The following TMTC2 variants were observed in gnomAD, a reference collection of about 807,000 sequenced individuals.
The protein encoded by TMTC2 is protein O-mannosyl-transferase TMTC2.
A neutral mutation model predicts 82.4 loss-of-function variants in TMTC2; 43 were observed. That is an observed-to-expected ratio of 0.52 (90% CI 0.41 to 0.67). TMTC2 has a LOEUF of 0.67. TMTC2 is among the 30% of genes least tolerant of loss of function. The pLI is 0.00. For missense variants in TMTC2, 919 were observed against 1,012.4 expected (o/e 0.91, Z 1.25); for synonymous variants, 408 against 381.9 (o/e 1.07, Z -0.80).
intron 11 of TMTC2, among the ~76,000 whole-genome samples, chr12:83,122,498 C>T (rs748396916): frequency 2.1e-4 from 32 of 152,162 alleles, no homozygotes; most frequent in Admixed American, 3.3e-4. Context: ...AGCTTTTTTC[C>T]GCTGCTTCCT....
Position 82,687,068 on chromosome 12 carries a change from A to G in TMTC2, c.-519A>G, listed in dbSNP as rs931117738. ...CCGGAGTCCGCCCGAGCGACACCGG[A>G]GCAGTGCGCCCGGGAGGCGGCGAGG... On this transcript the variant is annotated 5_prime_UTR_variant, in exon 1 of 12. Transcript: ENST00000321196. 6.1e-6 allele frequency: 1 copy of G among 165,012 alleles called. No homozygotes were observed. The highest frequency in any genetic ancestry group is 1.3e-5 in the Non-Finnish European group (1 of 75,038). 10.2% of individuals were successfully genotyped at this position (165,012 alleles called of 1,614,324 possible).
intron 2 of TMTC2, among the ~76,000 whole-genome samples, chr12:82,877,303 T>C (rs191172494): frequency 6.6e-6 from 1 of 152,310 alleles, no homozygotes; most frequent in East Asian, 1.9e-4. Context: ...TGCGATTATA[T>C]AGGAGTTTCT....
At chr12:82,968,005 C>T (rs558069787) in intron 7 of TMTC2, among the ~76,000 whole-genome samples, 120 of 152,200 alleles carry the variant, frequency 7.9e-4, no homozygotes, top group African/African-American at 2.8e-3. Flanking sequence ...ACAAAATACA[C>T]ACCTGGTAAG....
At chr12:83,125,908 GC>G (rs1382987409) in intron 11 of TMTC2, among the ~76,000 whole-genome samples, 3 of 152,134 alleles carry the variant, frequency 2.0e-5, no homozygotes, top group Non-Finnish European at 4.4e-5. Context: ...TTTGGTAATA[GC>G]TAGCAAAGTC....
intron 11 of TMTC2, among the ~76,000 whole-genome samples, chr12:83,078,339 G>T (rs1883356372): frequency 6.6e-6 from 1 of 152,098 alleles, no homozygotes; most frequent in African/African-American, 2.4e-5. Context: ...CTTAGACTGG[G>T]TTGTTATACT....
Position 82,923,763 on chromosome 12 carries a change from G to C in TMTC2, c.1484-6668G>C, listed in dbSNP as rs1228982079. On this transcript the variant is annotated intron_variant, in intron 3 of 11. Coordinates refer to ENST00000321196, the MANE Select transcript of TMTC2 (RefSeq NM_152588.3). The stretch of plus-strand genomic sequence containing the variant: ...CTAAAATATTGATTGTATTTACATA[G>C]AATTCATAGATTAATTTGGGGAGAA... Among the ~76,000 whole-genome samples the C allele has an allele frequency of 5.3e-5, 8 of 152,196 alleles. No individual in the cohort carries two copies. The East Asian group carries it at 1.3e-3, about 26-fold the overall frequency.
At position 82,806,389 on chromosome 12, in the gene TMTC2, A is replaced by G. The variant is rs1020027764; in HGVS notation, c.84-50621A>G. ...TCCTCCAACTTGCCTGCAAGGACCA[A>G]AGAAGAATCAGATACAGTATTTGGC... is the stretch of plus-strand genomic sequence containing the variant. On this transcript the variant is annotated intron_variant, in intron 1 of 11. Coordinates refer to ENST00000321196, the MANE Select transcript of TMTC2 (RefSeq NM_152588.3). Among the ~76,000 whole-genome samples the G allele has an allele frequency of 5.9e-5, 9 of 152,296 alleles. No individual in the cohort carries two copies. The East Asian group carries it at 9.6e-4, about 16-fold the overall frequency.
At chr12:82,751,296 C>A (rs958143287) in intron 1 of TMTC2, among the ~76,000 whole-genome samples, 5 of 151,448 alleles carry the variant, frequency 3.3e-5, no homozygotes, top group Non-Finnish European at 7.4e-5. Flanking sequence ...GACAAAAAAC[C>A]AAACACCGCA....
intron 1 of TMTC2, among the ~76,000 whole-genome samples, chr12:82,753,715 C>A (rs1223124477): frequency 6.6e-6 from 1 of 152,170 alleles, no homozygotes; most frequent in African/African-American, 2.4e-5. Context: ...CAGTTAAATT[C>A]TCTGGGAGGC....
intron 8 of TMTC2, among the ~76,000 whole-genome samples, chr12:83,001,156 C>T (rs867390263): frequency 6.6e-5 from 10 of 152,272 alleles, no homozygotes; most frequent in Non-Finnish European, 1.5e-4. Flanking sequence ...GATTAACATT[C>T]GGCTCCTCGT....
At chr12:82,688,164 C>T (rs1453858615) in intron 1 of TMTC2, among the ~76,000 whole-genome samples, 1 of 152,104 alleles carries the variant, frequency 6.6e-6, no homozygotes, top group Non-Finnish European at 1.5e-5. Flanking sequence ...AAAGGGAGAT[C>T]GTTCTCTGCT....
intron 1 of TMTC2, among the ~76,000 whole-genome samples, chr12:82,693,725 T>C (rs569697559): frequency 2.2e-4 from 33 of 149,020 alleles, no homozygotes; most frequent in Admixed American, 9.3e-4. Context: ...ATCCTAGCAC[T>C]TTGGGAGGCC....
intron 11 of TMTC2, among the ~76,000 whole-genome samples, chr12:83,112,241 C>T (rs1374896415): frequency 1.3e-5 from 2 of 152,136 alleles, no homozygotes; most frequent in Non-Finnish European, 2.9e-5. Flanking sequence ...CTCAATGTAT[C>T]AATCCATTGC....
chr12:82,785,160 G>A (rs1297174195), intron 1 of TMTC2, among the ~76,000 whole-genome samples: 2 of 152,042 alleles, frequency 1.3e-5, no homozygotes, highest in South Asian at 2.1e-4. Flanking sequence ...CTTTAGACCC[G>A]GAAGCTGCTG....
intron 11 of TMTC2, among the ~76,000 whole-genome samples, chr12:83,074,781 G>A (rs1176876369): frequency 1.3e-5 from 2 of 152,038 alleles, no homozygotes; most frequent in Non-Finnish European, 2.9e-5. Flanking sequence ...CTTGCCCCAG[G>A]CTACCCACCT....
intron 2 of TMTC2, among the ~76,000 whole-genome samples, chr12:82,876,120 G>GATGGTGATGGTGATGA (rs1483457224): frequency 7.0e-6 from 1 of 142,814 alleles, no homozygotes; most frequent in Non-Finnish European, 1.5e-5. Flanking sequence ...TGGTGGTGGT[G>GATGGTGATGGTGATGA]GTATTAGTAA....
chr12:82,831,595 C>A (rs1199474124), intron 1 of TMTC2, among the ~76,000 whole-genome samples: 1 of 152,104 alleles, frequency 6.6e-6, no homozygotes, highest in Non-Finnish European at 1.5e-5. Context: ...TCTTCATCTT[C>A]AGGCCAAACT....
At chr12:82,735,760 T>TTCAAGAC (rs1875085250) in intron 1 of TMTC2, among the ~76,000 whole-genome samples, 1 of 150,342 alleles carries the variant, frequency 6.7e-6, no homozygotes, top group African/African-American at 2.4e-5. Flanking sequence ...AGGTCAGGAG[T>TTCAAGAC]TCAAGACCAG....
intron 1 of TMTC2, among the ~76,000 whole-genome samples, chr12:82,846,212 A>G (rs1011123057): frequency 6.6e-6 from 1 of 151,976 alleles, no homozygotes; most frequent in African/African-American, 2.4e-5. Flanking sequence ...TACAAAAATT[A>G]GCCAGCATTG....
Sources: gnomAD v4.1 joint callset for allele counts (sites outside exome capture counted in the v4.1 genomes callset) on GRCh38, gnomAD v4.1.1 for gene constraint, MANE v1.5 for transcripts, NCBI Gene and HGNC (gene_info 2026-07-23, HGNC 2026-07-21) for gene names.